Variants in LHFPL6 observed in about 807,000 individuals in gnomAD.
LHFPL6 encodes the protein LHFPL tetraspan subfamily member 6.
Under a neutral mutation model 20.6 loss-of-function variants are expected in LHFPL6, and 9 were observed. The ratio of observed to expected loss-of-function variants is 0.44; its 90% CI spans 0.26 to 0.76. The LOEUF (loss-of-function observed/expected upper bound fraction) is 0.76. Among genes scored for constraint, LHFPL6 ranks in the 30% least tolerant of loss-of-function variants. The probability of loss-of-function intolerance (pLI) is 0.20; values close to 1 mark genes in which losing one functional copy is unlikely to be tolerated. For synonymous variants in LHFPL6, 105 were observed against 98.7 expected (o/e 1.06, Z -0.38); for missense variants, 218 against 253.5 (o/e 0.86, Z 0.95).
At chr13:39,415,165 C>T (rs1871317842) in intron 2 of LHFPL6, among the ~76,000 whole-genome samples, 1 of 152,172 alleles carries the variant, frequency 6.6e-6, no homozygotes, top group South Asian at 2.1e-4. Context: ...AAGACGGAAA[C>T]ATCTGGAAAA....
chr13:39,560,142 G>T (rs58430166), intron 2 of LHFPL6, among the ~76,000 whole-genome samples: 25 of 152,116 alleles, frequency 1.6e-4, no homozygotes. Flanking sequence ...ATTCATGGGA[G>T]CTCCAAATCA....
intron 2 of LHFPL6, among the ~76,000 whole-genome samples, chr13:39,438,640 T>G (rs1304061674): frequency 1.3e-5 from 2 of 152,238 alleles, no homozygotes; most frequent in Non-Finnish European, 2.9e-5. Context: ...TTTGTTGGGC[T>G]AGGCCCAGGG....
At chr13:39,425,143 G>C (rs1250866877) in intron 2 of LHFPL6, among the ~76,000 whole-genome samples, 1 of 151,994 alleles carries the variant, frequency 6.6e-6, no homozygotes, top group African/African-American at 2.4e-5. Context: ...GTATTCTCTG[G>C]AGTTTAGAGA....
In LHFPL6 at chr13:39,572,751, T is replaced by TA. The variant is rs542472299; in HGVS notation, c.385+28080dup. ...AGCTGTTGCACAAATAGCCAGATCT[T>TA]AACCTTCTGAGTTTGCATACCCAAG... On this transcript the variant is annotated intron_variant, in intron 2 of 3. Transcript: ENST00000379589. 5.1e-3 allele frequency among the ~76,000 whole-genome samples: 772 copies of TA among 152,294 alleles called. 5 individuals carry two copies. Among genetic ancestry groups the TA allele is most frequent in the Admixed American group, 0.014 (212 of 15,300 alleles).
intron 2 of LHFPL6, among the ~76,000 whole-genome samples, chr13:39,501,404 T>C (rs1304476050): frequency 6.6e-5 from 10 of 152,190 alleles, no homozygotes; most frequent in Admixed American, 5.2e-4. Flanking sequence ...TTTTACATCA[T>C]AGAATGTATT....
intron 2 of LHFPL6, among the ~76,000 whole-genome samples, chr13:39,420,786 AAAC>A (rs1306033300): frequency 2.0e-5 from 3 of 152,218 alleles, no homozygotes; most frequent in Admixed American, 6.5e-5. Context: ...ATGCTGTCGC[AAAC>A]AACAACAGTA....
At chr13:39,574,179 A>C (rs1235869013) in intron 2 of LHFPL6, among the ~76,000 whole-genome samples, 1 of 152,208 alleles carries the variant, frequency 6.6e-6, no homozygotes, top group Non-Finnish European at 1.5e-5. Flanking sequence ...TCTTAGAAAG[A>C]TATAGTAAAG....
chr13:39,555,083 C>A (rs72621302), intron 2 of LHFPL6, among the ~76,000 whole-genome samples: 19,729 of 152,082 alleles, frequency 0.13, 1,587 homozygotes, highest in East Asian at 0.38. Context: ...ACGAACAAGG[C>A]CAAGTAAGCT....
intron 2 of LHFPL6, among the ~76,000 whole-genome samples, chr13:39,487,266 G>T (rs913544130): frequency 7.2e-5 from 11 of 152,078 alleles, no homozygotes; most frequent in African/African-American, 2.4e-4. Context: ...AGATAAAAAA[G>T]AAATTCTTCA....
chr13:39,594,759 C>T (rs1419863961), intron 2 of LHFPL6, among the ~76,000 whole-genome samples: 1 of 152,168 alleles, frequency 6.6e-6, no homozygotes, highest in Non-Finnish European at 1.5e-5. Flanking sequence ...AAATGTGGCA[C>T]ATATACACCA....
intron 2 of LHFPL6, among the ~76,000 whole-genome samples, chr13:39,424,504 A>G (rs1871588455): frequency 1.3e-5 from 2 of 152,140 alleles, no homozygotes; most frequent in Admixed American, 1.3e-4. Context: ...AAACATCCCT[A>G]TTGTGTGAAT....
chr13:39,539,019 A>G (rs1870713179), intron 2 of LHFPL6, among the ~76,000 whole-genome samples: 1 of 152,206 alleles, frequency 6.6e-6, no homozygotes, highest in Non-Finnish European at 1.5e-5. Flanking sequence ...AACCATAGAC[A>G]ATACAGAAAT....
intron 1 of LHFPL6, among the ~76,000 whole-genome samples, chr13:39,602,492 G>A (rs894831908): frequency 2.0e-5 from 3 of 152,198 alleles, no homozygotes; most frequent in Admixed American, 6.5e-5. Flanking sequence ...GGCTGGGGAA[G>A]ACCAGCAGGG....
intron 2 of LHFPL6, among the ~76,000 whole-genome samples, chr13:39,482,000 C>T (rs9548779): frequency 0.39 from 59,311 of 151,930 alleles, 14,270 homozygotes; most frequent in Non-Finnish European, 0.53. Context: ...AAAGTTCATT[C>T]CGGCCATGTT....
intron 2 of LHFPL6, among the ~76,000 whole-genome samples, chr13:39,512,601 C>CAAAAAAAAAAAAAA (rs565183661): frequency 3.7e-5 from 4 of 109,556 alleles, no homozygotes; most frequent in African/African-American, 1.6e-4. Context: ...GCCTCCGTCT[C>CAAAAAAAAAAAAAA]AAAAAAAAAA....
chr13:39,445,130 C>A lies in LHFPL6; in HGVS notation c.386-66604G>T, dbSNP rs116851638. On this transcript the variant is annotated intron_variant, in intron 2 of 3. Transcript: ENST00000379589. ...CCTTATTACGATGCAGCAATAAGGT[C>A]CTCACCAGATACGTCCCCTTGATCT... Among the ~76,000 whole-genome samples the A allele has an allele frequency of 8.9e-4, 136 of 152,330 alleles. 1 individual carries two copies. The highest frequency in any genetic ancestry group is 6.8e-3 in the Middle Eastern group (2 of 294).
intron 2 of LHFPL6, among the ~76,000 whole-genome samples, chr13:39,452,786 C>CATTG (rs1297501655): frequency 6.6e-6 from 1 of 152,174 alleles, no homozygotes; most frequent in Non-Finnish European, 1.5e-5. Context: ...CAGACATATC[C>CATTG]ATTGATAGTA....
At chr13:39,562,563 T>C (rs71423199) in intron 2 of LHFPL6, among the ~76,000 whole-genome samples, 1 of 137,258 alleles carries the variant, frequency 7.3e-6, no homozygotes, top group African/African-American at 2.6e-5. Context: ...TACACATACA[T>C]ATACACATAC....
intron 2 of LHFPL6, among the ~76,000 whole-genome samples, chr13:39,532,344 C>T (rs538671970): frequency 2.0e-5 from 3 of 152,184 alleles, no homozygotes; most frequent in Non-Finnish European, 2.9e-5. Context: ...ACCACCACCA[C>T]TCCTCGACAA....
Sources: gnomAD v4.1 joint callset for allele counts (sites outside exome capture counted in the v4.1 genomes callset) on GRCh38, gnomAD v4.1.1 for gene constraint, MANE v1.5 for transcripts, NCBI Gene and HGNC (gene_info 2026-07-23, HGNC 2026-07-21) for gene names.